Variants in PPIL1 observed in about 807,000 individuals in gnomAD.
The protein encoded by PPIL1 is peptidyl-prolyl cis-trans isomerase-like 1.
In PPIL1, 14 loss-of-function variants were observed where a neutral mutation model predicts 19.4. That is an observed-to-expected ratio of 0.72 (90% CI 0.48 to 1.13). PPIL1 has a LOEUF of 1.13. PPIL1 is among the 50% of genes most tolerant of loss of function. The pLI is 0.00. For missense variants in PPIL1, 192 were observed against 218.0 expected, an observed-to-expected ratio of 0.88 and a Z score of 0.75; for synonymous variants, 72 against 73.6, an observed-to-expected ratio of 0.98 and a Z score of 0.11.
intron 1 of PPIL1, among the ~76,000 whole-genome samples, chr6:36,873,676 A>C (rs1464659236): frequency 2.0e-5 from 3 of 152,188 alleles, no homozygotes; most frequent in Non-Finnish European, 4.4e-5. Flanking sequence ...GAATTTTGCC[A>C]TATAAGGTGG....
chr6:36,866,325 A>C (rs1173320267), intron 2 of PPIL1, among the ~76,000 whole-genome samples: 1 of 152,206 alleles, frequency 6.6e-6, no homozygotes, highest in East Asian at 1.9e-4. Flanking sequence ...AGTCAGACTG[A>C]GGGACAGCTG....
chr6:36,857,499 A>G (rs1278009472), intron 2 of PPIL1, among the ~76,000 whole-genome samples: 1 of 150,572 alleles, frequency 6.6e-6, no homozygotes, highest in Non-Finnish European at 1.5e-5. Context: ...TTTTTTTTTT[A>G]GAGATGGGGT....
intron 2 of PPIL1, among the ~76,000 whole-genome samples, 155 bp from the exon 3 acceptor site, chr6:36,856,809 T>A (rs186213502): frequency 2.6e-5 from 4 of 152,300 alleles, no homozygotes; most frequent in African/African-American, 9.6e-5. Flanking sequence ...CTACAGAATC[T>A]AGCACTAATA....
At chr6:36,860,220 A>G (rs1369176828) in intron 2 of PPIL1, among the ~76,000 whole-genome samples, 6 of 152,014 alleles carry the variant, frequency 3.9e-5, no homozygotes, top group South Asian at 4.1e-4. Context: ...TAATCCCAAC[A>G]CTTTGGGAGG....
chr6:36,868,539 T>C (rs529803349), intron 2 of PPIL1, among the ~76,000 whole-genome samples: 1 of 152,294 alleles, frequency 6.6e-6, no homozygotes, highest in African/African-American at 2.4e-5. Flanking sequence ...CAAAACCATA[T>C]TCAAAAATGA....
rs370165968 is a variant in PPIL1, at chr6:36,870,123, T to G, written c.211+1595A>C. Among the ~76,000 whole-genome samples, 57 of 145,802 alleles carry G rather than the reference T, an allele frequency of 3.9e-4. 1 individual carries two copies. In the South Asian group the frequency reaches 1.0e-2, roughly 25 times the overall value. ...TTAAAAAAAAAAAAACCCAAAAACCTGAATGCTTCTGACCATAGATGATAA... is the reference window on the plus strand; with the variant it reads ...TTAAAAAAAAAAAAACCCAAAAACCGGAATGCTTCTGACCATAGATGATAA... On this transcript the variant is annotated intron_variant, in intron 2 of 3. Transcript: ENST00000373699.
intron 3 of PPIL1, 49 bp from the exon 4 acceptor site, chr6:36,856,082 C>A (rs1192611848): frequency 2.6e-6 from 4 of 1,557,458 alleles, no homozygotes; most frequent in South Asian, 1.2e-5. Flanking sequence ...CCCCACAGGT[C>A]CAGTGTAGAG....
chr6:36,855,248 T>TG lies in PPIL1; in HGVS notation c.*564dup, dbSNP rs1166747539. 6.5e-6 allele frequency: 1 copy of TG among 153,338 alleles called. No individual in the cohort carries two copies. Among genetic ancestry groups the TG allele is most frequent in the Non-Finnish European group, 1.5e-5 (1 of 68,488 alleles). The allele number at this position is 153,338 out of a possible 1,614,324, so 9.5% of individuals were successfully genotyped here. On this transcript the variant is annotated 3_prime_UTR_variant, in exon 4 of 4. Coordinates refer to ENST00000373699, the MANE Select transcript of PPIL1 (RefSeq NM_016059.5). ...TCAATGTGGCTTTGCGTGGGATGTC[T>TG]GAAGTGTCAGAAACAGCACTGTTGA... is the stretch of plus-strand genomic sequence containing the variant.
chr6:36,863,875 C>G (rs1007490045), intron 2 of PPIL1, among the ~76,000 whole-genome samples: 2 of 151,870 alleles, frequency 1.3e-5, no homozygotes, highest in South Asian at 2.1e-4. Flanking sequence ...TCCACATTCT[C>G]CTGGTGTTCC....
Position 36,858,986 on chromosome 6 carries a change from C to A in PPIL1, c.212-2332G>T, listed in dbSNP as rs185983645. Among the ~76,000 whole-genome samples, 7 of 152,286 alleles carry A rather than the reference C, an allele frequency of 4.6e-5. No homozygotes were observed. The East Asian group carries it at 1.4e-3, about 29-fold the overall frequency. ...AGGATTCAGTTCAGTAGTACGCTGT[C>A]AGTCTGTGGCCTGAGCTTCAAAGTG... On this transcript the variant is annotated intron_variant, in intron 2 of 3. Transcript: ENST00000373699.
chr6:36,871,481 C>T (rs1034796404), intron 2 of PPIL1, among the ~76,000 whole-genome samples: 1 of 152,188 alleles, frequency 6.6e-6, no homozygotes, highest in African/African-American at 2.4e-5. Context: ...ATGAAAAACT[C>T]TACCAAGCCT....
rs755549469 is a variant in PPIL1, at chr6:36,874,763, T to A, written c.10A>T (p.Ile4Phe). MAA[I>F]PPDSWQPPNV... ...GGTGGCTGCCAGGAATCTGGGGGAATTGCCGCCATAGCGAAGCCGGCGGCG... is the reference window on the plus strand; with the variant it reads ...GGTGGCTGCCAGGAATCTGGGGGAAATGCCGCCATAGCGAAGCCGGCGGCG... The change falls in exon 1 of 4, where the codon ATT becomes TTT. Residue 4 changes from isoleucine to phenylalanine, a missense_variant. Ile to Phe is a conservative substitution (Grantham distance 21). Transcript: ENST00000373699. 3 of 1,614,102 alleles carry A rather than the reference T, an allele frequency of 1.9e-6. No individual in the cohort carries two copies. In the South Asian group the frequency reaches 3.3e-5, roughly 18 times the overall value.
At chr6:36,871,667 GA>G in intron 2 of PPIL1, 50 bp downstream of exon 2, 1 of 1,546,424 alleles carries the variant, frequency 6.5e-7, no homozygotes, top group South Asian at 1.2e-5. Context: ...AAAAAAAGAC[GA>G]AAAGGAGAAA....
At chr6:36,874,279 T>TTTAC in intron 1 of PPIL1, among the ~76,000 whole-genome samples, 1 of 152,236 alleles carries the variant, frequency 6.6e-6, no homozygotes, top group African/African-American at 2.4e-5. Flanking sequence ...CTTCCTGTAT[T>TTTAC]TTACTGGAAT....
chr6:36,871,902 A>G, intron 1 of PPIL1, 30 bp from the exon 2 acceptor site: 2 of 1,544,834 alleles, frequency 1.3e-6, no homozygotes, highest in Non-Finnish European at 1.7e-6. Context: ...CAGCTCCAGT[A>G]AACAAAAAGG....
Position 36,855,960 on chromosome 6 carries a change from G to T in PPIL1, c.354C>A (p.Pro118=), listed in dbSNP as rs779921408. The T allele has an allele frequency of 5.0e-6, 8 of 1,614,220 alleles. No individual in the cohort carries two copies. The highest frequency in any genetic ancestry group is 6.8e-6 in the Non-Finnish European group (8 of 1,180,042). The change falls in exon 4 of 4, where the codon CCC becomes CCA. Residue 118 remains proline, a synonymous_variant. Transcript: ENST00000373699. ...TGTGTTTGCCGTCAAGCCACTGGGT[G>T]GGGGCGAGGGTCACAAAGAACTGGC... is the stretch of plus-strand genomic sequence containing the variant. ...NGSQFFVTLA[P]TQWLDGKHTI... is the part of the protein sequence containing the mutation.
intron 2 of PPIL1, among the ~76,000 whole-genome samples, chr6:36,867,925 T>C (rs1333109497): frequency 6.6e-6 from 1 of 151,950 alleles, no homozygotes; most frequent in Non-Finnish European, 1.5e-5. Flanking sequence ...TCTGAGCAAG[T>C]AAAAGGTGGG....
intron 1 of PPIL1, among the ~76,000 whole-genome samples, chr6:36,872,474 A>C (rs1384597999): frequency 1.3e-5 from 2 of 152,158 alleles, no homozygotes; most frequent in Admixed American, 1.3e-4. Flanking sequence ...GTAACTTTGA[A>C]TCTTTGCACC....
rs1318308735 is a variant in PPIL1, at chr6:36,854,960, A to G, written c.*853T>C. 1 of 152,654 alleles carries G rather than the reference A, an allele frequency of 6.6e-6. No homozygotes were observed. The highest frequency in any genetic ancestry group is 1.5e-5 in the Non-Finnish European group (1 of 68,036). The allele number at this position is 152,654 out of a possible 1,614,324, so 9.5% of individuals were successfully genotyped here. On this transcript the variant is annotated 3_prime_UTR_variant, in exon 4 of 4. Transcript: ENST00000373699. Reference sequence around the variant, plus strand: ...TACATAAACAACTGAACATATAAAAATCTTGGACCTAATTTCTCTAAAGTC... The same window carrying G: ...TACATAAACAACTGAACATATAAAAGTCTTGGACCTAATTTCTCTAAAGTC...
Sources: gnomAD v4.1 joint callset for allele counts (sites outside exome capture counted in the v4.1 genomes callset) on GRCh38, gnomAD v4.1.1 for gene constraint, MANE v1.5 for transcripts, NCBI Gene and HGNC (gene_info 2026-07-23, HGNC 2026-07-21) for gene names.